The following POLN variants were observed in gnomAD, a reference collection of about 807,000 sequenced individuals.
The protein encoded by POLN is DNA polymerase N.
POLN carries 108 observed loss-of-function variants against 113.5 expected under a neutral mutation model. The observed-to-expected ratio is 0.95, with a 90% CI of 0.81 to 1.12. The LOEUF is 1.12. Ranked by LOEUF, POLN falls within the 50% of genes most tolerant of loss-of-function variation. The pLI, the probability that POLN is intolerant of heterozygous loss-of-function variation, is 0.00. For missense variants in POLN, 1,097 were observed against 1,077.1 expected, an observed-to-expected ratio of 1.02 and a Z score of -0.26; for synonymous variants, 386 against 391.5, an observed-to-expected ratio of 0.99 and a Z score of 0.17.
chr4:2,164,336 T>C (rs965813343), intron 13 of POLN, among the ~76,000 whole-genome samples: 21 of 151,510 alleles, frequency 1.4e-4, no homozygotes, highest in African/African-American at 5.1e-4. Context: ...ACTCTGTCTC[T>C]ACTAAAAATA....
chr4:2,138,766 G>A (rs1731921736), intron 16 of POLN, among the ~76,000 whole-genome samples: 1 of 152,072 alleles, frequency 6.6e-6, no homozygotes, highest in Non-Finnish European at 1.5e-5. Context: ...GCCAGGTGTG[G>A]TGGTGCATGT....
At chr4:2,130,356 T>C (rs190286776) in intron 17 of POLN, among the ~76,000 whole-genome samples, 2 of 151,912 alleles carry the variant, frequency 1.3e-5, no homozygotes, top group Admixed American at 6.5e-5. Context: ...TTGGGCTTCA[T>C]TGTTTTGCCA....
chr4:2,176,474 T>C (rs964657979), intron 8 of POLN, 140 bp from the exon 9 acceptor site: 1 of 623,520 alleles, frequency 1.6e-6, no homozygotes, highest in Non-Finnish European at 2.7e-6. Flanking sequence ...ATGTACGTGG[T>C]AGTATCACCA....
intron 3 of POLN, among the ~76,000 whole-genome samples, chr4:2,220,212 G>A (rs1246954608): frequency 6.6e-6 from 1 of 152,270 alleles, no homozygotes; most frequent in African/African-American, 2.4e-5. Flanking sequence ...GGGTGCTAGA[G>A]GGACGCTGTC....
chr4:2,209,668 T>C (rs1180672099), intron 4 of POLN, among the ~76,000 whole-genome samples: 1 of 144,766 alleles, frequency 6.9e-6, no homozygotes, highest in Non-Finnish European at 1.5e-5. Flanking sequence ...TTTTTTTTTT[T>C]TTTTTTTTTT....
intron 6 of POLN, among the ~76,000 whole-genome samples, chr4:2,194,435 C>T (rs61792572): frequency 6.6e-6 from 1 of 152,134 alleles, no homozygotes; most frequent in Non-Finnish European, 1.5e-5. Context: ...TGTGATTTCA[C>T]CTTGGTTTCC....
At chr4:2,241,131 GAC>G in intron 2 of POLN, 1 of 518,918 alleles carries the variant, frequency 1.9e-6, no homozygotes, top group Admixed American at 3.9e-5. Flanking sequence ...CCACAAATAT[GAC>G]GACAGTGTTT....
chr4:2,081,173 C>G, intron 22 of POLN, 137 bp from the exon 23 acceptor site: 1 of 1,594,274 alleles, frequency 6.3e-7, no homozygotes, highest in Non-Finnish European at 8.5e-7. Context: ...GTGCCAGGGC[C>G]ACAGATGACT....
chr4:2,144,742 T>A (rs546931533), intron 16 of POLN, among the ~76,000 whole-genome samples: 8 of 152,314 alleles, frequency 5.3e-5, no homozygotes, highest in African/African-American at 1.7e-4. Flanking sequence ...GGTTTTACTC[T>A]TTCCTTCAAT....
chr4:2,169,772 C>A (rs1304599610), intron 13 of POLN, among the ~76,000 whole-genome samples: 1 of 152,212 alleles, frequency 6.6e-6, no homozygotes, highest in Non-Finnish European at 1.5e-5. Context: ...TCCCAAGGAC[C>A]TGGAAGGAGG....
chr4:2,106,306 G>T (rs756883283), intron 19 of POLN, among the ~76,000 whole-genome samples: 1 of 152,132 alleles, frequency 6.6e-6, no homozygotes, highest in Non-Finnish European at 1.5e-5. Flanking sequence ...GCAAAAACTG[G>T]CATGAATATC....
chr4:2,080,713 T>C (rs1373501472), intron 23 of POLN: 2 of 1,396,438 alleles, frequency 1.4e-6, no homozygotes, highest in East Asian at 2.7e-5. Context: ...GGAGGAGGGG[T>C]CTGGGGGAGA....
At chr4:2,208,562 T>G (rs1733915934) in intron 4 of POLN, 75 bp from the exon 5 acceptor site, 1 of 1,255,112 alleles carries the variant, frequency 8.0e-7, no homozygotes, top group African/African-American at 1.5e-5. Context: ...TAATTTCTGG[T>G]AAAAACTTGT....
At chr4:2,167,708 G>T (rs1487451359) in intron 13 of POLN, among the ~76,000 whole-genome samples, 6 of 152,124 alleles carry the variant, frequency 3.9e-5, no homozygotes, top group African/African-American at 1.2e-4. Context: ...AGACCAGCCT[G>T]GCCAACATGG....
intron 23 of POLN, chr4:2,076,228 C>G (rs895293336): frequency 1.3e-5 from 2 of 153,440 alleles, no homozygotes; most frequent in African/African-American, 4.8e-5. Context: ...AAGCACAAGG[C>G]GGACGGGTCA....
At position 2,242,082 on chromosome 4, in the gene POLN, C is replaced by G. The variant is rs182178490; in HGVS notation, c.-315G>C. On this transcript the variant is annotated 5_prime_UTR_variant, in exon 1 of 26. Coordinates refer to ENST00000511885, the MANE Select transcript of POLN (RefSeq NM_181808.4). ...AAGTTCCGCTTGCTTCTCGCAGGAG[C>G]CCGCCGCCACCGCCCTCCGTGCCCC... The G allele has an allele frequency of 3.9e-5, 38 of 985,720 alleles. No homozygotes were observed. In the Admixed American group the frequency reaches 1.0e-3, roughly 27 times the overall value. 61.1% of individuals were successfully genotyped at this position (985,720 alleles called of 1,614,324 possible).
At chr4:2,083,988 C>T (rs528716839) in intron 21 of POLN, among the ~76,000 whole-genome samples, 1 of 152,226 alleles carries the variant, frequency 6.6e-6, no homozygotes, top group Admixed American at 6.5e-5. Context: ...GCTGGGGCAG[C>T]CAAGTGCCCC....
rs1052347098 is a variant in POLN at position 2,127,733 on chromosome 4, C to T, written c.1982+380G>A. 6.6e-6 allele frequency among the ~76,000 whole-genome samples: 1 copy of T among 152,238 alleles called. No homozygotes were observed. Among genetic ancestry groups the T allele is most frequent in the African/African-American group, 2.4e-5 (1 of 41,464 alleles). On this transcript the variant is annotated intron_variant, in intron 19 of 25. Transcript: ENST00000511885. The surrounding 1 kb of genome is among the most constrained non-coding windows in gnomAD (Gnocchi z 4.7). ...ACCCGCAGCTCAAGAAGCCCCTGGC[C>T]CACAGATGGGCTGGGGCGTGAGTAC...
intron 13 of POLN, among the ~76,000 whole-genome samples, chr4:2,168,684 G>A (rs188156267): frequency 1.6e-4 from 24 of 152,332 alleles, no homozygotes; most frequent in Admixed American, 6.5e-4. Context: ...GTGCAGGTGC[G>A]GGATGCTCCC....
Sources: gnomAD v4.1 joint callset for allele counts (sites outside exome capture counted in the v4.1 genomes callset) on GRCh38, gnomAD v4.1.1 for gene constraint, Gnocchi (gnomAD v3.1) non-coding constraint, MANE v1.5 for transcripts, NCBI Gene and HGNC (gene_info 2026-07-23, HGNC 2026-07-21) for gene names.